The following RWDD2A variants were observed in gnomAD, a reference collection of about 807,000 sequenced individuals.
The protein encoded by RWDD2A is RWD domain containing 2A.
RWDD2A carries 15 observed loss-of-function variants against 23.1 expected under a neutral mutation model. That is an observed-to-expected ratio of 0.65 (90% confidence interval 0.43 to 1.00). The LOEUF (loss-of-function observed/expected upper bound fraction) is 1.00. Ranked by LOEUF, RWDD2A falls within the 50% of genes least tolerant of loss-of-function variation. The pLI, the probability that RWDD2A is intolerant of heterozygous loss-of-function variation, is 0.00. For missense variants in RWDD2A, 310 were observed against 341.7 expected, an observed-to-expected ratio of 0.91 and a Z score of 0.73; for synonymous variants, 103 against 123.0, an observed-to-expected ratio of 0.84 and a Z score of 1.08.
At chr6:83,194,252 A>T in intron 1 of RWDD2A, 60 bp from the exon 2 acceptor site, 1 of 578,392 alleles carries the variant, frequency 1.7e-6, no homozygotes. Flanking sequence ...GATGTTGTGC[A>T]TACTAGATTT....
chr6:83,196,377 C>T lies in RWDD2A; in HGVS notation c.*105C>T. On this transcript the variant is annotated 3_prime_UTR_variant, in exon 3 of 3. Coordinates refer to ENST00000369724, the MANE Select transcript of RWDD2A (RefSeq NM_033411.5). Reference sequence around the variant, plus strand: ...GCTGTGTAGCATCCTCAGTGCAAAACCCAGCTCCAGAATTTTCACCTGGTA... The same window carrying T: ...GCTGTGTAGCATCCTCAGTGCAAAATCCAGCTCCAGAATTTTCACCTGGTA... 1.1e-6 allele frequency: 1 copy of T among 880,224 alleles called. No homozygotes were observed. The highest frequency in any genetic ancestry group is 1.6e-6 in the Non-Finnish European group (1 of 616,868). 54.5% of individuals were successfully genotyped at this position (880,224 alleles called of 1,614,324 possible). A position where few individuals can be genotyped will look rare whatever the true frequency, so the allele number is the denominator to read the frequency against.
Position 83,197,414 on chromosome 6 carries a change from C to T in RWDD2A, c.*1142C>T, listed in dbSNP as rs955285683. ...GCTCCACAGGCTTCACCAGGCTTTT[C>T]AAAATGAGAGTTTATTTTAATGATT... On this transcript the variant is annotated 3_prime_UTR_variant, in exon 3 of 3. Coordinates refer to ENST00000369724, the MANE Select transcript of RWDD2A (RefSeq NM_033411.5). 1.3e-5 allele frequency: 2 copies of T among 152,198 alleles called. No individual in the cohort carries two copies. Among genetic ancestry groups the T allele is most frequent in the Non-Finnish European group, 2.9e-5 (2 of 68,032 alleles). The allele number at this position is 152,198 out of a possible 1,614,324, so 9.4% of individuals were successfully genotyped here.
Position 83,196,173 on chromosome 6 carries a change from C to A in RWDD2A, c.780C>A (p.His260Gln). The stretch of plus-strand genomic sequence containing the variant: ...ACTATGGATTAAGGAATGACTATCA[C>A]ATGAATCTGGGCCAATTCTTAGAAT... ...HGDYGLRNDY[H>Q]MNLGQFLEFL... Residue 260 changes from histidine to glutamine, a missense_variant, in exon 3 of 3, where the codon CAC (histidine) becomes CAA (glutamine). Physicochemically the swap from His to Gln is conservative, Grantham distance 24 (BLOSUM62 0). Transcript: ENST00000369724. The A allele has an allele frequency of 6.2e-7, 1 of 1,613,456 alleles. No homozygotes were observed. Among genetic ancestry groups the A allele is most frequent in the Non-Finnish European group, 8.5e-7 (1 of 1,179,792 alleles).
rs985015123 is a variant in RWDD2A at position 83,197,306 on chromosome 6, T to A, written c.*1034T>A. On this transcript the variant is annotated 3_prime_UTR_variant, in exon 3 of 3. Coordinates refer to ENST00000369724, the MANE Select transcript of RWDD2A (RefSeq NM_033411.5). ...ACTGTTGAGGGGACCAGTGTGGATA[T>A]CTGCATCATTACCTTATTGGGAAAA... 2.0e-5 allele frequency: 3 copies of A among 152,186 alleles called. No homozygotes were observed. Among genetic ancestry groups the A allele is most frequent in the Admixed American group, 2.0e-4 (3 of 15,284 alleles). The allele number at this position is 152,186 out of a possible 1,614,324, so 9.4% of individuals were successfully genotyped here.
In RWDD2A at chr6:83,195,755, G is replaced by A. The variant is rs552640362; in HGVS notation, c.362G>A (p.Cys121Tyr). ...GTFDPGELCV[C>Y]AAIQWLQDNS... Reference sequence around the variant, plus strand: ...TTTGATCCAGGTGAGCTCTGTGTATGTGCAGCAATCCAGTGGCTACAGGAC... The same window carrying A: ...TTTGATCCAGGTGAGCTCTGTGTATATGCAGCAATCCAGTGGCTACAGGAC... The change falls in exon 3 of 3, where the codon TGT (cysteine) becomes TAT (tyrosine). Residue 121 changes from cysteine to tyrosine, a missense_variant. Cys to Tyr is a radical substitution (Grantham distance 194). Transcript: ENST00000369724. 3.1e-6 allele frequency: 5 copies of A among 1,614,162 alleles called. No individual in the cohort carries two copies. Among genetic ancestry groups the A allele is most frequent in the East Asian group, 2.2e-5 (1 of 44,874 alleles).
At chr6:83,194,783 C>A in intron 2 of RWDD2A, 131 bp downstream of exon 2, 1 of 685,596 alleles carries the variant, frequency 1.5e-6, no homozygotes, top group Non-Finnish European at 2.4e-6. Context: ...ATACGGAATG[C>A]TCTATAAATT....
In RWDD2A at chr6:83,194,606, C is replaced by T; in HGVS notation, c.155C>T (p.Pro52Leu). 2 of 1,614,126 alleles carry T rather than the reference C, an allele frequency of 1.2e-6. No individual in the cohort carries two copies. The highest frequency in any genetic ancestry group is 1.7e-6 in the Non-Finnish European group (2 of 1,180,024). ...TTGGAAGGCACAAGGGAGGCGCTGC[C>T]ACCAAAAATCGAATTTGTAATTACA... ...RYLEGTREAL[P>L]PKIEFVITLQ... Residue 52 changes from proline (P) to leucine (L), a missense_variant, in exon 2 of 3, where the codon CCA becomes CTA. Transcript: ENST00000369724.
At position 83,196,089 on chromosome 6, in the gene RWDD2A, T is replaced by C; in HGVS notation, c.696T>C (p.Asn232=). ...KHAESVETEG[N]GEDLRLFHSF... ...CTGAAAGCGTGGAGACAGAAGGAAA[T>C]GGTGAGGACCTGCGCCTTTTCCATT... Residue 232 remains asparagine (N), a synonymous_variant, in exon 3 of 3, where the codon AAT becomes AAC. Transcript: ENST00000369724. 4 of 1,613,674 alleles carry C rather than the reference T, an allele frequency of 2.5e-6. No homozygotes were observed. The highest frequency in any genetic ancestry group is 2.5e-6 in the Non-Finnish European group (3 of 1,179,768).
rs545974379 is a variant in RWDD2A at position 83,196,757 on chromosome 6, G to A, written c.*485G>A. Reference sequence around the variant, plus strand: ...TCCTTTTTTGAGACGGTGCGATCTCGGCTCACTGCATCCTCAGCTTCCCAG... The same window carrying A: ...TCCTTTTTTGAGACGGTGCGATCTCAGCTCACTGCATCCTCAGCTTCCCAG... On this transcript the variant is annotated 3_prime_UTR_variant, in exon 3 of 3. Transcript: ENST00000369724. 10 of 152,344 alleles carry A rather than the reference G, an allele frequency of 6.6e-5. No homozygotes were observed. In the East Asian group the frequency reaches 7.7e-4, roughly 12 times the overall value. The allele number at this position is 152,344 out of a possible 1,614,324, so 9.4% of individuals were successfully genotyped here.
At position 83,193,403 on chromosome 6, in the gene RWDD2A, G is replaced by C. The variant is rs973888598; in HGVS notation, c.-181G>C. The C allele has an allele frequency of 6.6e-6, 1 of 152,320 alleles. No individual in the cohort carries two copies. The highest frequency in any genetic ancestry group is 1.5e-5 in the Non-Finnish European group (1 of 68,112). The allele number at this position is 152,320 out of a possible 1,614,324, so 9.4% of individuals were successfully genotyped here. On this transcript the variant is annotated 5_prime_UTR_variant, in exon 1 of 3. Coordinates refer to ENST00000369724, the MANE Select transcript of RWDD2A (RefSeq NM_033411.5). Reference sequence around the variant, plus strand: ...CCTGAGGAACTGCGGCTGCGGTTCCGAGCGGGGTCTGGGGCTGTTACCATT... The same window carrying C: ...CCTGAGGAACTGCGGCTGCGGTTCCCAGCGGGGTCTGGGGCTGTTACCATT...
Position 83,195,889 on chromosome 6 carries a change from T to TATCA in RWDD2A, c.497_500dup (p.Gln168SerfsTer39), listed in dbSNP as rs1270051925. On this transcript the variant is annotated frameshift_variant, in exon 3 of 3. Coordinates refer to ENST00000369724, the MANE Select transcript of RWDD2A (RefSeq NM_033411.5). LOFTEE classifies it high-confidence loss of function. ...AATGTGGATCTACAGTCACCATATA[T>TATCA]ATCAGCAGGACCTAAGGAAAAAGAT... 2.5e-6 allele frequency: 4 copies of TATCA among 1,614,080 alleles called. No homozygotes were observed. The African/African-American group carries it at 5.3e-5, about 22-fold the overall frequency.
chr6:83,195,602 T>G lies in RWDD2A; in HGVS notation c.209T>G (p.Ile70Ser). 1 of 1,603,872 alleles carries G rather than the reference T, an allele frequency of 6.2e-7. No homozygotes were observed. The highest frequency in any genetic ancestry group is 8.5e-7 in the Non-Finnish European group (1 of 1,171,902). ...TLQIEEPKVK[I>S]DLQVTMPHSY... The stretch of plus-strand genomic sequence containing the variant: ...TTTGATTTTCATTTTAAGGTGAAAA[T>G]TGATTTGCAAGTGACCATGCCTCAC... Residue 70 changes from isoleucine (I) to serine (S), a missense_variant, in exon 3 of 3, where the codon ATT becomes AGT. By Grantham distance (142) the Ile-to-Ser change is moderately radical (BLOSUM62 -2). Transcript: ENST00000369724.
rs1373990856 is a variant in RWDD2A, at chr6:83,196,323, T to C, written c.*51T>C. ...TAATTTCACTAAGTCAGTATTTCTG[T>C]TAATAAGACCAAATTAAAAAGGCTA... On this transcript the variant is annotated 3_prime_UTR_variant, in exon 3 of 3. Transcript: ENST00000369724. The C allele has an allele frequency of 2.8e-6, 4 of 1,424,148 alleles. No homozygotes were observed. The African/African-American group carries it at 5.7e-5, about 20-fold the overall frequency. The allele number at this position is 1,424,148 out of a possible 1,614,324, so 88.2% of individuals were successfully genotyped here. A position where few individuals can be genotyped will look rare whatever the true frequency, so the allele number is the denominator to read the frequency against.
At chr6:83,194,188 G>GGGAACCC in intron 1 of RWDD2A, 124 bp from the exon 2 acceptor site, 1 of 379,274 alleles carries the variant, frequency 2.6e-6, no homozygotes. Context: ...TGCGGGAGGC[G>GGGAACCC]GGAACCCGGA....
rs1397993026 is a variant in RWDD2A, at chr6:83,198,506, TTGTTTGCACAGCC to T, written c.*2237_*2249del. 1 of 152,228 alleles carries T rather than the reference TTGTTTGCACAGCC, an allele frequency of 6.6e-6. No homozygotes were observed. The highest frequency in any genetic ancestry group is 1.5e-5 in the Non-Finnish European group (1 of 68,052). The allele number at this position is 152,228 out of a possible 1,614,324, so 9.4% of individuals were successfully genotyped here. Reference sequence around the variant, plus strand: ...CTTTGTATGTATAGGAGTCTGCTGGTTGTTTGCACAGCCTGATATGAGCACATAATAAAAGTCC... The same window carrying T: ...CTTTGTATGTATAGGAGTCTGCTGGTTGATATGAGCACATAATAAAAGTCC... On this transcript the variant is annotated 3_prime_UTR_variant, in exon 3 of 3. Coordinates refer to ENST00000369724, the MANE Select transcript of RWDD2A (RefSeq NM_033411.5).
Position 83,194,392 on chromosome 6 carries a change from T to C in RWDD2A, c.-60T>C. On this transcript the variant is annotated 5_prime_UTR_variant, in exon 2 of 3. Coordinates refer to ENST00000369724, the MANE Select transcript of RWDD2A (RefSeq NM_033411.5). Reference sequence around the variant, plus strand: ...AATTTCGCTGGATACCGGCTGGCATTGACAAACCCAGCGTCCCTGAGCCTT... The same window carrying C: ...AATTTCGCTGGATACCGGCTGGCATCGACAAACCCAGCGTCCCTGAGCCTT... The C allele has an allele frequency of 6.6e-7, 1 of 1,523,514 alleles. No individual in the cohort carries two copies. The highest frequency in any genetic ancestry group is 8.9e-7 in the Non-Finnish European group (1 of 1,124,508). 94.4% of individuals were successfully genotyped at this position (1,523,514 alleles called of 1,614,324 possible). A position where few individuals can be genotyped will look rare whatever the true frequency, so the allele number is the denominator to read the frequency against.
rs1416970639 is a variant in RWDD2A at position 83,196,011 on chromosome 6, G to T, written c.618G>T (p.Glu206Asp). ...CVEGFKEHCE[E>D]FWHTIRYPNW... ...AGGGTTTCAAAGAGCACTGTGAGGA[G>T]TTCTGGCACACAATTAGGTACCCCA... Residue 206 changes from glutamate (E) to aspartate (D), a missense_variant, in exon 3 of 3, where the codon GAG becomes GAT. Glu to Asp is a conservative substitution (Grantham distance 45). Transcript: ENST00000369724. 6.2e-7 allele frequency: 1 copy of T among 1,614,100 alleles called. No homozygotes were observed. The highest frequency in any genetic ancestry group is 8.5e-7 in the Non-Finnish European group (1 of 1,180,036).
Position 83,195,651 on chromosome 6 carries a change from G to T in RWDD2A, c.258G>T (p.Gln86His). ...ACAGCTACCCCTATGTAGCATTGCA[G>T]CTGTTTGGACGGTCATCTGAACTTG... ...MPHSYPYVAL[Q>H]LFGRSSELDR... is the part of the protein sequence containing the mutation. Residue 86 changes from glutamine (Q) to histidine (H), a missense_variant, in exon 3 of 3, where the codon CAG becomes CAT. By Grantham distance (24) the Gln-to-His change is conservative. Transcript: ENST00000369724. The T allele has an allele frequency of 6.2e-7, 1 of 1,614,216 alleles. No individual in the cohort carries two copies. The highest frequency in any genetic ancestry group is 8.5e-7 in the Non-Finnish European group (1 of 1,180,038).
intron 1 of RWDD2A, 31 bp from the exon 2 acceptor site, chr6:83,194,281 A>T: frequency 1.7e-6 from 1 of 596,924 alleles, no homozygotes; most frequent in Non-Finnish European, 2.9e-6. Flanking sequence ...GGAAATAAAG[A>T]AGAGTGCAAG....
Sources: gnomAD v4.1 joint callset for allele counts on GRCh38, gnomAD v4.1.1 for gene constraint, MANE v1.5 for transcripts, NCBI Gene and HGNC (gene_info 2026-07-23, HGNC 2026-07-21) for gene names.